FAM167A: variants seen among roughly 807,000 people sequenced by gnomAD.
FAM167A encodes protein FAM167A.
A neutral mutation model predicts 14.9 loss-of-function variants in FAM167A; 23 were observed. The observed-to-expected ratio is 1.55, with a 90% CI of 1.11 to 2.19. The LOEUF (loss-of-function observed/expected upper bound fraction) is 2.19, where lower values mean the gene tolerates loss of function less well. Ranked by LOEUF, FAM167A falls within the 30% of genes most tolerant of loss-of-function variation. FAM167A has a pLI of 0.00. For missense variants in FAM167A, 401 were observed against 281.5 expected, an observed-to-expected ratio of 1.42 and a Z score of -3.04; for synonymous variants, 174 against 117.7, an observed-to-expected ratio of 1.48 and a Z score of -3.10.
At chr8:11,447,859 A>T (rs1806853919) in intron 1 of FAM167A, among the ~76,000 whole-genome samples, 1 of 152,222 alleles carries the variant, frequency 6.6e-6, no homozygotes, top group African/African-American at 2.4e-5. Flanking sequence ...ATAATTCACA[A>T]GGCTCAGTAT....
chr8:11,449,893 C>T (rs1177119646), intron 1 of FAM167A, among the ~76,000 whole-genome samples: 1 of 152,214 alleles, frequency 6.6e-6, no homozygotes, highest in African/African-American at 2.4e-5. Flanking sequence ...TCATTATGAC[C>T]TAATCTGTTC....
At position 11,424,088 on chromosome 8, in the gene FAM167A, G is replaced by A; in HGVS notation, c.*285C>T. 1 of 380,938 alleles carries A rather than the reference G, an allele frequency of 2.6e-6. No homozygotes were observed. Among genetic ancestry groups the A allele is most frequent in the Non-Finnish European group, 4.8e-6 (1 of 207,980 alleles). The allele number at this position is 380,938 out of a possible 1,614,324, so 23.6% of individuals were successfully genotyped here. On this transcript the variant is annotated 3_prime_UTR_variant, in exon 3 of 3. Coordinates refer to ENST00000284486, the MANE Select transcript of FAM167A (RefSeq NM_053279.3). Reference sequence around the variant, plus strand: ...AACAGGAACGTGACCGTGGAGGGATGGATTATGGTGGGAACCCAGGTCTCC... The same window carrying A: ...AACAGGAACGTGACCGTGGAGGGATAGATTATGGTGGGAACCCAGGTCTCC...
chr8:11,431,117 C>T (rs892984210), intron 2 of FAM167A, among the ~76,000 whole-genome samples: 1 of 152,236 alleles, frequency 6.6e-6, no homozygotes, highest in African/African-American at 2.4e-5. Flanking sequence ...TCCACGTTCA[C>T]AATCACCAAT....
Position 11,423,555 on chromosome 8 carries a change from T to C in FAM167A, c.*818A>G, listed in dbSNP as rs981278728. 2.0e-5 allele frequency: 3 copies of C among 152,270 alleles called. No individual in the cohort carries two copies. The highest frequency in any genetic ancestry group is 7.2e-5 in the African/African-American group (3 of 41,434). The allele number at this position is 152,270 out of a possible 1,614,324, so 9.4% of individuals were successfully genotyped here. A position where few individuals can be genotyped will look rare whatever the true frequency, so the allele number is the denominator to read the frequency against. The stretch of plus-strand genomic sequence containing the variant: ...ACGCCCCTGCAGGAGAATTCAGTTA[T>C]GGAAAATGCTTTCAGGACCTGCCTG... On this transcript the variant is annotated 3_prime_UTR_variant, in exon 3 of 3. Transcript: ENST00000284486.
intron 2 of FAM167A, among the ~76,000 whole-genome samples, chr8:11,434,508 G>A (rs754915166): frequency 6.6e-6 from 1 of 152,174 alleles, no homozygotes; most frequent in Non-Finnish European, 1.5e-5. Context: ...GGGAGGGAGA[G>A]ACGACAGCCC....
intron 1 of FAM167A, among the ~76,000 whole-genome samples, chr8:11,448,347 G>A (rs1225368085): frequency 6.6e-6 from 1 of 152,206 alleles, no homozygotes; most frequent in Non-Finnish European, 1.5e-5. Context: ...GATTCAATAA[G>A]GTTACAAATG....
chr8:11,459,912 G>T (rs1389738513), intron 1 of FAM167A, among the ~76,000 whole-genome samples: 1 of 152,218 alleles, frequency 6.6e-6, no homozygotes, highest in Non-Finnish European at 1.5e-5. Flanking sequence ...ATTTTTAGTA[G>T]AGACGGGGTT....
chr8:11,440,038 C>T (rs1319860772), intron 2 of FAM167A, among the ~76,000 whole-genome samples: 3 of 152,188 alleles, frequency 2.0e-5, no homozygotes, highest in African/African-American at 7.2e-5. Flanking sequence ...ATGCCCTCCC[C>T]CCACTCCCAC....
chr8:11,428,526 C>T (rs73540500), intron 2 of FAM167A, among the ~76,000 whole-genome samples: 149 of 152,352 alleles, frequency 9.8e-4, no homozygotes, highest in African/African-American at 3.5e-3. Context: ...TCCCTGCTTG[C>T]GCTCTGAGAG....
intron 2 of FAM167A, among the ~76,000 whole-genome samples, chr8:11,428,295 C>A (rs1282512698): frequency 6.6e-6 from 1 of 152,158 alleles, no homozygotes; most frequent in Non-Finnish European, 1.5e-5. Context: ...GCTGACAGAT[C>A]TGGTCAAAGG....
chr8:11,460,946 T>G (rs1351050327), intron 1 of FAM167A, among the ~76,000 whole-genome samples: 6 of 152,238 alleles, frequency 3.9e-5, no homozygotes, highest in Admixed American at 2.0e-4. Context: ...GAATAATTGA[T>G]GGGCTCAGGC....
At position 11,422,379 on chromosome 8, in the gene FAM167A, T is replaced by TGTGTGGGGGGGG. The variant is rs1563350300; in HGVS notation, c.*1993_*1994insCCCCCCCCACAC. The TGTGTGGGGGGGG allele has an allele frequency of 9.9e-6, 1 of 101,490 alleles. No homozygotes were observed. The highest frequency in any genetic ancestry group is 2.0e-5 in the Non-Finnish European group (1 of 49,250). 6.3% of individuals were successfully genotyped at this position (101,490 alleles called of 1,614,324 possible). A position where few individuals can be genotyped will look rare whatever the true frequency, so the allele number is the denominator to read the frequency against. On this transcript the variant is annotated 3_prime_UTR_variant, in exon 3 of 3. Transcript: ENST00000284486. ...TCGTGTGTGTGTGTGTGGGGGTGTG[T>TGTGTGGGGGGGG]GTGTGTGTGTGTGTGTGTGTGTGTG...
chr8:11,452,728 C>A (rs564297848), intron 1 of FAM167A, among the ~76,000 whole-genome samples: 7 of 152,226 alleles, frequency 4.6e-5, no homozygotes, highest in Non-Finnish European at 1.0e-4. Context: ...CTCCCATAAA[C>A]AGACGTGACG....
In FAM167A at chr8:11,421,715, G is replaced by C. The variant is rs1003877561; in HGVS notation, c.*2658C>G. On this transcript the variant is annotated 3_prime_UTR_variant, in exon 3 of 3. Coordinates refer to ENST00000284486, the MANE Select transcript of FAM167A (RefSeq NM_053279.3). ...CCTGAAGGCATCAAGACATGACCACGCATGGCAGTGTCGGTGGAGAGTTTG... is the reference window on the plus strand; with the variant it reads ...CCTGAAGGCATCAAGACATGACCACCCATGGCAGTGTCGGTGGAGAGTTTG... The C allele has an allele frequency of 2.5e-6, 1 of 398,906 alleles. No individual in the cohort carries two copies. Among genetic ancestry groups the C allele is most frequent in the Non-Finnish European group, 4.4e-6 (1 of 226,092 alleles). 24.7% of individuals were successfully genotyped at this position (398,906 alleles called of 1,614,324 possible).
intron 1 of FAM167A, among the ~76,000 whole-genome samples, chr8:11,453,630 G>A (rs1313516547): frequency 6.6e-6 from 1 of 152,116 alleles, no homozygotes; most frequent in Non-Finnish European, 1.5e-5. Flanking sequence ...GCTGAGCTGG[G>A]GACCAGGACC....
chr8:11,466,087 T>A (rs536868529), intron 1 of FAM167A, among the ~76,000 whole-genome samples: 1 of 152,144 alleles, frequency 6.6e-6, no homozygotes, highest in Admixed American at 6.5e-5. Flanking sequence ...GACCTGCTCA[T>A]TCCCGGGGGC....
chr8:11,475,888 G>T (rs1478886), exon 1 of FAM167A, among the ~76,000 whole-genome samples: 1 of 152,056 alleles, frequency 6.6e-6, no homozygotes, highest in African/African-American at 2.4e-5. Flanking sequence ...AGACCTCTTG[G>T]TTATCCTCCC....
chr8:11,439,834 A>T (rs993000797), intron 2 of FAM167A, among the ~76,000 whole-genome samples: 1 of 152,074 alleles, frequency 6.6e-6, no homozygotes, highest in African/African-American at 2.4e-5. Flanking sequence ...GGTGTGAATG[A>T]AGAGAGAAAA....
At chr8:11,461,192 G>A (rs990830043) in intron 1 of FAM167A, among the ~76,000 whole-genome samples, 7 of 152,224 alleles carry the variant, frequency 4.6e-5, no homozygotes, top group Non-Finnish European at 7.3e-5. Flanking sequence ...ACGCCCAGTC[G>A]CTGGTGTGTC....
Sources: allele counts gnomAD v4.1 joint callset (sites outside exome capture counted in the v4.1 genomes callset), GRCh38; gene constraint gnomAD v4.1.1; transcripts MANE v1.5; gene names NCBI Gene and HGNC (gene_info 2026-07-23, HGNC 2026-07-21).